Variants in TRIM42 observed in about 807,000 individuals in gnomAD.
TRIM42 encodes the protein tripartite motif containing 42.
A neutral mutation model predicts 64.9 loss-of-function variants in TRIM42; 59 were observed. The ratio of observed to expected loss-of-function variants is 0.91; its 90% confidence interval spans 0.74 to 1.13. The LOEUF is 1.13. Among genes scored for constraint, TRIM42 ranks in the 50% most tolerant of loss-of-function variants. The pLI is 0.00. For missense variants in TRIM42, 878 were observed against 929.5 expected (o/e 0.94, Z 0.72); for synonymous variants, 354 against 346.3 (o/e 1.02, Z -0.25).
At chr3:140,690,527 T>G (rs1266030826) in intron 3 of TRIM42, among the ~76,000 whole-genome samples, 1 of 92,348 alleles carries the variant, frequency 1.1e-5, no homozygotes. Flanking sequence ...ATCCAAGTTT[T>G]TATGTATATA....
Position 140,688,127 on chromosome 3 carries a change from T to C in TRIM42, c.1445T>C (p.Leu482Pro). The C allele has an allele frequency of 1.2e-6, 2 of 1,613,990 alleles. No individual in the cohort carries two copies. The highest frequency in any genetic ancestry group is 1.7e-6 in the Non-Finnish European group (2 of 1,179,886). Residue 482 changes from leucine (L) to proline (P), a missense_variant, in exon 3 of 5, where the codon CTT becomes CCT. Transcript: ENST00000286349. ...TACGTGCCCTTGGACTTTGTTGAGC[T>C]TTCCAGTGCCATCCATGAGCTCTTC... The part of the protein sequence containing the change: ...INYVPLDFVE[L>P]SSAIHELFPT...
In TRIM42 at chr3:140,688,355, G is replaced by T. The variant is rs1215907736; in HGVS notation, c.1673G>T (p.Arg558Ile). Residue 558 changes from arginine (R) to isoleucine (I), a missense_variant, in exon 3 of 5, where the codon AGA becomes ATA. Coordinates refer to ENST00000286349, the MANE Select transcript of TRIM42 (RefSeq NM_152616.5). ...AAGGTGGGTCTGGAGGCCTGTGGGA[G>T]AGCCCAGTCAGCCACCCCCGCCAAA... The part of the protein sequence containing the change: ...KAKVGLEACG[R>I]AQSATPAKPT... 1 of 1,614,182 alleles carries T rather than the reference G, an allele frequency of 6.2e-7. No homozygotes were observed. Among genetic ancestry groups the T allele is most frequent in the Non-Finnish European group, 8.5e-7 (1 of 1,180,020 alleles).
Position 140,678,204 on chromosome 3 carries a change from A to T in TRIM42, c.-26A>T. ...TAGAGGAGGCATCAAGAGTCCTGGG[A>T]GGCCGGTGGTAATCATGTAGGCACC... On this transcript the variant is annotated 5_prime_UTR_variant, in exon 1 of 5. Coordinates refer to ENST00000286349, the MANE Select transcript of TRIM42 (RefSeq NM_152616.5). 6.3e-7 allele frequency: 1 copy of T among 1,594,474 alleles called. No individual in the cohort carries two copies. The highest frequency in any genetic ancestry group is 8.6e-7 in the Non-Finnish European group (1 of 1,165,192).
chr3:140,697,128 T>C (rs1988873100), intron 4 of TRIM42, among the ~76,000 whole-genome samples: 1 of 152,230 alleles, frequency 6.6e-6, no homozygotes, highest in Admixed American at 6.5e-5. Context: ...TTTTATATTT[T>C]TGTTAGTTTT....
chr3:140,685,087 C>T (rs1988515763), intron 2 of TRIM42, among the ~76,000 whole-genome samples: 1 of 152,158 alleles, frequency 6.6e-6, no homozygotes, highest in Admixed American at 6.5e-5. Flanking sequence ...AACCTTTCAT[C>T]CTTGCTGAAG....
At chr3:140,697,927 C>T (rs527756914) in intron 4 of TRIM42, among the ~76,000 whole-genome samples, 1 of 152,286 alleles carries the variant, frequency 6.6e-6, no homozygotes, top group Non-Finnish European at 1.5e-5. Context: ...TCGTGATCTG[C>T]CGGCCTCAGC....
chr3:140,698,626 T>C (rs893922226), intron 4 of TRIM42, among the ~76,000 whole-genome samples: 4 of 142,120 alleles, frequency 2.8e-5, no homozygotes, highest in Admixed American at 2.0e-4. Flanking sequence ...ATAAACCAAA[T>C]AGTTTACAGA....
chr3:140,685,900 A>G (rs1436253356), intron 2 of TRIM42, among the ~76,000 whole-genome samples: 1 of 152,260 alleles, frequency 6.6e-6, no homozygotes, highest in Non-Finnish European at 1.5e-5. Flanking sequence ...TGTGATAGAT[A>G]AAAACATATG....
At position 140,691,005 on chromosome 3, in the gene TRIM42, T is replaced by C; in HGVS notation, c.1898T>C (p.Phe633Ser). 6.2e-7 allele frequency: 1 copy of C among 1,614,114 alleles called. No individual in the cohort carries two copies. Among genetic ancestry groups the C allele is most frequent in the Non-Finnish European group, 8.5e-7 (1 of 1,179,984 alleles). ...TGTCCAGCAGAAGACGTGGACTCTT[T>C]TGAGATGGAATTCTATGAAGTCATT... is the stretch of plus-strand genomic sequence containing the variant. Reference protein sequence around the residue: ...WTCPAEDVDSFEMEFYEVITS... With the variant: ...WTCPAEDVDSSEMEFYEVITS... The change falls in exon 4 of 5, where the codon TTT becomes TCT. Residue 633 changes from phenylalanine to serine, a missense_variant. Phe to Ser is a radical substitution (Grantham distance 155, BLOSUM62 -2). Transcript: ENST00000286349.
intron 3 of TRIM42, among the ~76,000 whole-genome samples, chr3:140,689,022 G>A (rs1347055478): frequency 6.6e-6 from 1 of 152,166 alleles, no homozygotes; most frequent in Non-Finnish European, 1.5e-5. Context: ...GGAAAAATTG[G>A]GAGGATCATC....
chr3:140,682,660 C>T lies in TRIM42; in HGVS notation c.540C>T (p.Thr180=), dbSNP rs772948132. Residue 180 remains threonine, a synonymous_variant, in exon 2 of 5, where the codon ACC becomes ACT. Transcript: ENST00000286349. ...AGCTGCAGAAGCACGCCGAGGTCAC[C>T]GAGAACTTCTTCATCCTCATCTGCC... The part of the protein sequence containing the change: ...LRQLQKHAEV[T]ENFFILICPV... The T allele has an allele frequency of 6.2e-7, 1 of 1,613,462 alleles. No individual in the cohort carries two copies. Among genetic ancestry groups the T allele is most frequent in the Non-Finnish European group, 8.5e-7 (1 of 1,180,042 alleles).
chr3:140,678,785 A>G (rs1037545277), intron 1 of TRIM42, among the ~76,000 whole-genome samples: 4 of 152,210 alleles, frequency 2.6e-5, no homozygotes, highest in African/African-American at 9.7e-5. Flanking sequence ...TTAACTATGT[A>G]AATGAGCACT....
At chr3:140,691,406 T>C (rs780154311) in intron 4 of TRIM42, among the ~76,000 whole-genome samples, 6 of 152,188 alleles carry the variant, frequency 3.9e-5, no homozygotes, top group Non-Finnish European at 8.8e-5. Flanking sequence ...TTCAAAAACA[T>C]TTGTTCTAGG....
rs766131824 is a variant in TRIM42, at chr3:140,688,477, G to A, written c.1795G>A (p.Gly599Ser). ...SFHNWYSFND[G>S]SVKTPGPIVI... ...CCACAACTGGTACTCATTCAACGAT[G>A]GCTCTGTGAAGACCCCAGGCCCAAT... is the stretch of plus-strand genomic sequence containing the variant. The change falls in exon 3 of 5, where the codon GGC becomes AGC. Residue 599 changes from glycine to serine, a missense_variant. Physicochemically the swap from Gly to Ser is moderately conservative, Grantham distance 56. Coordinates refer to ENST00000286349, the MANE Select transcript of TRIM42 (RefSeq NM_152616.5). The A allele has an allele frequency of 1.2e-6, 2 of 1,614,170 alleles. No individual in the cohort carries two copies. Among genetic ancestry groups the A allele is most frequent in the South Asian group, 1.1e-5 (1 of 91,078 alleles).
intron 4 of TRIM42, among the ~76,000 whole-genome samples, chr3:140,699,390 T>G (rs1406481806): frequency 6.6e-6 from 1 of 152,186 alleles, no homozygotes; most frequent in Non-Finnish European, 1.5e-5. Context: ...GAATAACTCT[T>G]AAGAGTTTGG....
At chr3:140,682,353 C>T in intron 1 of TRIM42, 109 bp from the exon 2 acceptor site, 1 of 1,095,882 alleles carries the variant, frequency 9.1e-7, no homozygotes, top group African/African-American at 1.6e-5. Flanking sequence ...AGGCTCCTCA[C>T]CACCACACTA....
chr3:140,682,667 T>C lies in TRIM42; in HGVS notation c.547T>C (p.Phe183Leu), dbSNP rs1034820223. 10 of 1,613,086 alleles carry C rather than the reference T, an allele frequency of 6.2e-6. No homozygotes were observed. The Admixed American group carries it at 1.5e-4, about 24-fold the overall frequency. The change falls in exon 2 of 5, where the codon TTC becomes CTC. Residue 183 changes from phenylalanine to leucine, a missense_variant. Phe to Leu is a conservative substitution (Grantham distance 22). Transcript: ENST00000286349. ...LQKHAEVTENFFILICPVCDR... is the reference protein window; with the variant it reads ...LQKHAEVTENLFILICPVCDR... ...GAAGCACGCCGAGGTCACCGAGAAC[T>C]TCTTCATCCTCATCTGCCCAGTGTG... is the stretch of plus-strand genomic sequence containing the variant.
chr3:140,681,618 T>G (rs1396294178), intron 1 of TRIM42, among the ~76,000 whole-genome samples: 1 of 150,132 alleles, frequency 6.7e-6, no homozygotes, highest in Non-Finnish European at 1.5e-5. Context: ...TTCCATCTAT[T>G]TACAATAAAT....
In TRIM42 at chr3:140,700,895, C is replaced by A. The variant is rs1294441637; in HGVS notation, c.2093C>A (p.Thr698Lys). 1 of 1,613,962 alleles carries A rather than the reference C, an allele frequency of 6.2e-7. No homozygotes were observed. Among genetic ancestry groups the A allele is most frequent in the Non-Finnish European group, 8.5e-7 (1 of 1,179,940 alleles). The change falls in exon 5 of 5, where the codon ACA becomes AAA. Residue 698 changes from threonine to lysine, a missense_variant. By Grantham distance (78) the Thr-to-Lys change is moderately conservative (BLOSUM62 -1). Coordinates refer to ENST00000286349, the MANE Select transcript of TRIM42 (RefSeq NM_152616.5). ...GQWSDICKVVTPDGHGKNRAK... is the reference protein window; with the variant it reads ...GQWSDICKVVKPDGHGKNRAK... Reference sequence around the variant, plus strand: ...CTTCGCTTCTGATTGCAGGTGGTAACACCAGATGGACATGGGAAGAACCGA... The same window carrying A: ...CTTCGCTTCTGATTGCAGGTGGTAAAACCAGATGGACATGGGAAGAACCGA...
Sources: allele counts gnomAD v4.1 joint callset (sites outside exome capture counted in the v4.1 genomes callset), GRCh38; gene constraint gnomAD v4.1.1; transcripts MANE v1.5; gene names NCBI Gene and HGNC (gene_info 2026-07-23, HGNC 2026-07-21).